Variants in DENND4C observed in about 807,000 individuals in gnomAD.
DENND4C encodes the protein DENN domain containing 4C.
A neutral mutation model predicts 203.0 loss-of-function variants in DENND4C; 108 were observed. The observed-to-expected ratio is 0.53, with a 90% CI of 0.46 to 0.62. The LOEUF (loss-of-function observed/expected upper bound fraction) is 0.62. Among genes scored for constraint, DENND4C ranks in the 20% least tolerant of loss-of-function variants. The pLI is 0.00. For synonymous variants in DENND4C, 871 were observed against 792.4 expected, an observed-to-expected ratio of 1.10 and a Z score of -1.67; for missense variants, 2,481 against 2,301.2, an observed-to-expected ratio of 1.08 and a Z score of -1.60.
At chr9:19,290,253 C>T (rs1404343251) in intron 4 of DENND4C, among the ~76,000 whole-genome samples, 2 of 152,208 alleles carry the variant, frequency 1.3e-5, no homozygotes, top group Admixed American at 6.5e-5. Context: ...ATGCCTTTTA[C>T]ACTGCTTCCC....
chr9:19,361,440 A>T (rs1186771316), intron 29 of DENND4C, among the ~76,000 whole-genome samples: 1 of 152,178 alleles, frequency 6.6e-6, no homozygotes, highest in Non-Finnish European at 1.5e-5. Flanking sequence ...TAATATTGAT[A>T]GACACTCAGG....
Position 19,283,610 on chromosome 9 carries a change from C to CTTT in DENND4C, c.306-3143_306-3141dup, listed in dbSNP as rs553611899. Among the ~76,000 whole-genome samples the CTTT allele has an allele frequency of 6.0e-3, 700 of 116,550 alleles. 13 individuals are homozygous for CTTT. Among genetic ancestry groups the CTTT allele is most frequent in the Middle Eastern group, 0.022 (4 of 178 alleles). The allele number at this position is 116,550 out of a possible 152,430, so 76.5% of individuals were successfully genotyped here. A position where few individuals can be genotyped will look rare whatever the true frequency, so the allele number is the denominator to read the frequency against. On this transcript the variant is annotated intron_variant, in intron 2 of 32. Coordinates refer to ENST00000434457, the MANE Select transcript of DENND4C (RefSeq NM_001330640.2). ...TATCAGATGCATTTCTTTTTTCTTTCTTTTTTTTTTTTTTTTTTGAGACAG... is the reference window on the plus strand; with the variant it reads ...TATCAGATGCATTTCTTTTTTCTTTCTTTTTTTTTTTTTTTTTTTTTGAGACAG...
At position 19,326,081 on chromosome 9, in the gene DENND4C, A is replaced by ATT; in HGVS notation, c.2007_2008insTT (p.Glu670LeufsTer6). On this transcript the variant is annotated frameshift_variant, in exon 15 of 33. Transcript: ENST00000434457. LOFTEE classifies it high-confidence loss of function. ...ATTTTCAGGTTGATTTTGATTCAGCAGAAGATACCAGATTGATAGAACTAG... is the reference window on the plus strand; with the variant it reads ...ATTTTCAGGTTGATTTTGATTCAGCATTGAAGATACCAGATTGATAGAACTAG... The ATT allele has an allele frequency of 6.2e-7, 1 of 1,610,548 alleles. No homozygotes were observed. The highest frequency in any genetic ancestry group is 8.5e-7 in the Non-Finnish European group (1 of 1,179,062).
At chr9:19,255,076 G>A (rs1294855001) in intron 1 of DENND4C, among the ~76,000 whole-genome samples, 2 of 152,128 alleles carry the variant, frequency 1.3e-5, no homozygotes, top group Admixed American at 1.3e-4. Flanking sequence ...CCCCGCTGGG[G>A]TGGAGGTTGC....
chr9:19,306,242 A>G (rs1839629920), intron 10 of DENND4C, among the ~76,000 whole-genome samples: 1 of 152,206 alleles, frequency 6.6e-6, no homozygotes, highest in South Asian at 2.1e-4. Flanking sequence ...TGAGATTGGT[A>G]GAAAATGAAG....
intron 32 of DENND4C, 39 bp downstream of exon 32, chr9:19,371,859 C>T: frequency 1.5e-6 from 2 of 1,370,248 alleles, no homozygotes; most frequent in Non-Finnish European, 2.0e-6. Flanking sequence ...GGAAGTTTTA[C>T]ATTTTATTTT....
chr9:19,350,741 G>A lies in DENND4C; in HGVS notation c.4357G>A (p.Glu1453Lys), dbSNP rs1263057841. 6.2e-7 allele frequency: 1 copy of A among 1,613,776 alleles called. No individual in the cohort carries two copies. ...NRDYSFPAGL[E>K]DHILGENISP... The stretch of plus-strand genomic sequence containing the variant: ...AGACTACAGCTTCCCAGCTGGCCTA[G>A]AAGACCATATTTTGGGGGAGAATAT... Residue 1453 changes from glutamate to lysine, a missense_variant, in exon 24 of 33, where the codon GAA becomes AAA. By Grantham distance (56) the Glu-to-Lys change is moderately conservative. Transcript: ENST00000434457.
At chr9:19,325,809 T>C (rs1044242500) in intron 13 of DENND4C, 130 bp from the exon 14 acceptor site, 7 of 820,022 alleles carry the variant, frequency 8.5e-6, no homozygotes, top group South Asian at 8.3e-5. Flanking sequence ...CCTAAAAATA[T>C]ACTGTGCATG....
At chr9:19,305,181 C>G (rs1016676628) in intron 9 of DENND4C, among the ~76,000 whole-genome samples, 171 bp from the exon 10 acceptor site, 1 of 151,934 alleles carries the variant, frequency 6.6e-6, no homozygotes, top group African/African-American at 2.4e-5. Flanking sequence ...TACATTTGTT[C>G]TTAGCATTGC....
At chr9:19,242,955 A>G (rs1167577114) in intron 1 of DENND4C, among the ~76,000 whole-genome samples, 2 of 152,176 alleles carry the variant, frequency 1.3e-5, no homozygotes, top group East Asian at 3.9e-4. Flanking sequence ...TGCCTGGCCT[A>G]AGTTTTTCCT....
rs967014575 is a variant in DENND4C at position 19,374,236 on chromosome 9, C to T, written c.*2063C>T. On this transcript the variant is annotated 3_prime_UTR_variant, in exon 33 of 33. Transcript: ENST00000434457. ...TTGAACTCAAGTTTTCACTTACTGA[C>T]GCGCTTCCCATTAAAAAAAATCTGT... 5.9e-5 allele frequency among the ~76,000 whole-genome samples: 9 copies of T among 152,014 alleles called. No homozygotes were observed. The highest frequency in any genetic ancestry group is 1.4e-4 in the African/African-American group (6 of 41,398).
intron 1 of DENND4C, among the ~76,000 whole-genome samples, chr9:19,235,672 G>C (rs968082964): frequency 6.8e-5 from 10 of 147,150 alleles, no homozygotes; most frequent in Non-Finnish European, 5.9e-5. Context: ...GTGCAGTGGC[G>C]TGATCTCAGC....
chr9:19,234,534 T>TTG (rs1821401196), intron 1 of DENND4C, among the ~76,000 whole-genome samples: 1 of 147,810 alleles, frequency 6.8e-6, no homozygotes, highest in Admixed American at 6.8e-5. Flanking sequence ...CTGGCTGTTT[T>TTG]TTTTTTTTTT....
chr9:19,333,715 A>C (rs1819792597), intron 17 of DENND4C, among the ~76,000 whole-genome samples: 1 of 152,208 alleles, frequency 6.6e-6, no homozygotes, highest in African/African-American at 2.4e-5. Context: ...AAACCATCCT[A>C]AGAAGTAGAT....
intron 2 of DENND4C, among the ~76,000 whole-genome samples, chr9:19,284,380 A>G (rs1343722538): frequency 8.5e-5 from 13 of 152,184 alleles, no homozygotes; most frequent in African/African-American, 3.1e-4. Context: ...GGACATTTGG[A>G]TTGTTCTCAG....
At chr9:19,316,373 G>C in intron 10 of DENND4C, 44 bp from the exon 11 acceptor site, 4 of 1,523,330 alleles carry the variant, frequency 2.6e-6, no homozygotes, top group Non-Finnish European at 3.6e-6. Flanking sequence ...AGTAAAAGCA[G>C]ATTATGAATA....
At chr9:19,258,716 G>A (rs569237319) in intron 1 of DENND4C, among the ~76,000 whole-genome samples, 26 of 151,844 alleles carry the variant, frequency 1.7e-4, no homozygotes, top group African/African-American at 6.0e-4. Context: ...GTGCAGTGGC[G>A]TGATCTCGGC....
chr9:19,282,248 A>T (rs1421827475), intron 2 of DENND4C, among the ~76,000 whole-genome samples: 1 of 151,778 alleles, frequency 6.6e-6, no homozygotes, highest in Non-Finnish European at 1.5e-5. Flanking sequence ...TATTTTAAAA[A>T]TTTATTCTTT....
rs928129 is a variant in DENND4C at position 19,341,207 on chromosome 9, T to G, written c.3004+93T>G. On this transcript the variant is annotated intron_variant, in intron 21 of 32. Transcript: ENST00000434457. The stretch of plus-strand genomic sequence containing the variant: ...CTTAGTTGATAGCTTTGATGATTAT[T>G]TTCACAAATGTAAGGTCTGGCTCCT... 360 of 1,096,590 alleles carry G rather than the reference T, an allele frequency of 3.3e-4. 2 individuals carry two copies. In the African/African-American group the frequency reaches 5.4e-3, roughly 17 times the overall value. The allele number at this position is 1,096,590 out of a possible 1,614,324, so 67.9% of individuals were successfully genotyped here. A position where few individuals can be genotyped will look rare whatever the true frequency, so the allele number is the denominator to read the frequency against.
Sources: gnomAD v4.1 joint callset for allele counts (sites outside exome capture counted in the v4.1 genomes callset) on GRCh38, gnomAD v4.1.1 for gene constraint, MANE v1.5 for transcripts, NCBI Gene and HGNC (gene_info 2026-07-23, HGNC 2026-07-21) for gene names.